MTOR: variants seen among roughly 807,000 people sequenced by gnomAD.
The protein encoded by MTOR is serine/threonine-protein kinase mTOR.
A neutral mutation model predicts 319.8 loss-of-function variants in MTOR; 70 were observed. That is an observed-to-expected ratio of 0.22 (90% CI 0.18 to 0.27). The LOEUF is 0.27. MTOR is among the 10% of genes least tolerant of loss of function. MTOR has a pLI of 1.00. For missense variants in MTOR, 1,890 were observed against 3,274.4 expected (o/e 0.58, Z 10.32); for synonymous variants, 1,183 against 1,211.4 (o/e 0.98, Z 0.49).
rs2100854047 is a variant in MTOR, at chr1:11,228,659, G to A, written c.3030+9C>T. Reference sequence around the variant, plus strand: ...GAGAAAGAGAAGGATTGGGGTTTGAGGTACTTACTTCCCGGATGGCCCCAT... The same window carrying A: ...GAGAAAGAGAAGGATTGGGGTTTGAAGTACTTACTTCCCGGATGGCCCCAT... On this transcript the variant is annotated intron_variant, in intron 19 of 57. Transcript: ENST00000361445. 6.2e-7 allele frequency: 1 copy of A among 1,613,046 alleles called. No individual in the cohort carries two copies.
chr1:11,122,934 G>A (rs1032245094), intron 47 of MTOR, among the ~76,000 whole-genome samples: 2 of 152,310 alleles, frequency 1.3e-5, no homozygotes, highest in East Asian at 3.9e-4. Flanking sequence ...AGCAACACAG[G>A]TCTCCTCAAC....
At chr1:11,190,760 A>G (rs1307060310) in intron 28 of MTOR, among the ~76,000 whole-genome samples, 2 of 152,174 alleles carry the variant, frequency 1.3e-5, no homozygotes, top group Non-Finnish European at 2.9e-5. Context: ...TATCAGGAAA[A>G]TATTAGTTGT....
chr1:11,227,458 T>C (rs1238169668), intron 19 of MTOR, among the ~76,000 whole-genome samples: 1 of 152,112 alleles, frequency 6.6e-6, no homozygotes, highest in Non-Finnish European at 1.5e-5. Flanking sequence ...GTTGACAATA[T>C]GATCAGAGGG....
chr1:11,126,053 A>AG (rs1306243446), intron 46 of MTOR, among the ~76,000 whole-genome samples: 2 of 150,360 alleles, frequency 1.3e-5, no homozygotes, highest in East Asian at 3.9e-4. Context: ...AAAAAAAAAA[A>AG]AAAAAAAAAA....
At chr1:11,113,621 AT>A (rs1156999398) in intron 53 of MTOR, among the ~76,000 whole-genome samples, 1 of 151,310 alleles carries the variant, frequency 6.6e-6, no homozygotes, top group African/African-American at 2.4e-5. Context: ...TTATTTTTTT[AT>A]TTTTTTGAGA....
chr1:11,109,593 C>T lies in MTOR; in HGVS notation c.7447+56G>A, dbSNP rs1169908226. The T allele has an allele frequency of 6.5e-7, 1 of 1,537,720 alleles. No individual in the cohort carries two copies. Among genetic ancestry groups the T allele is most frequent in the African/African-American group, 1.4e-5 (1 of 73,306 alleles). On this transcript the variant is annotated intron_variant, in intron 55 of 57. Coordinates refer to ENST00000361445, the MANE Select transcript of MTOR (RefSeq NM_004958.4). This position sits in a 1 kb window ranked among gnomAD's most constrained non-coding sequence, Gnocchi z 4.0. ...TGACCCCTCTCAGGGTATAACACAG[C>T]TGCTATTTTCTTAATGAGCTAGTCA...
rs1315227885 is a variant in MTOR at position 11,258,105 on chromosome 1, C to T, written c.271+380G>A. 4.5e-5 allele frequency among the ~76,000 whole-genome samples: 4 copies of T among 89,810 alleles called. No individual in the cohort carries two copies. In the South Asian group the frequency reaches 2.2e-3, roughly 49 times the overall value. 58.9% of individuals were successfully genotyped at this position (89,810 alleles called of 152,430 possible). ...AGCCCCGGCAAGAGTGAGACTCCAT[C>T]TCAAAAAAAAAAAAAAGACCTGCCT... is the stretch of plus-strand genomic sequence containing the variant. On this transcript the variant is annotated intron_variant, in intron 3 of 57. Coordinates refer to ENST00000361445, the MANE Select transcript of MTOR (RefSeq NM_004958.4).
At chr1:11,178,221 G>C (rs1157118500) in intron 28 of MTOR, among the ~76,000 whole-genome samples, 2 of 152,202 alleles carry the variant, frequency 1.3e-5, no homozygotes, top group Non-Finnish European at 1.5e-5. Context: ...CAGCCTCGGA[G>C]AGGAATACTG....
chr1:11,229,208 C>A (rs1474489425), intron 18 of MTOR, among the ~76,000 whole-genome samples: 1 of 152,158 alleles, frequency 6.6e-6, no homozygotes, highest in Non-Finnish European at 1.5e-5. Context: ...TAGCTTCTTA[C>A]CGTTCACAAC....
chr1:11,219,183 C>T (rs1321840277), intron 19 of MTOR, among the ~76,000 whole-genome samples: 1 of 151,274 alleles, frequency 6.6e-6, no homozygotes, highest in Non-Finnish European at 1.5e-5. Flanking sequence ...CACTGCGCTC[C>T]AGCCTGGGCA....
In MTOR at chr1:11,240,522, C is replaced by T. The variant is rs376836258; in HGVS notation, c.1567G>A (p.Asp523Asn). The T allele has an allele frequency of 3.7e-6, 6 of 1,613,918 alleles. No homozygotes were observed. Among genetic ancestry groups the T allele is most frequent in the African/African-American group, 2.7e-5 (2 of 74,898 alleles). Residue 523 changes from aspartate (D) to asparagine (N), a missense_variant, in exon 11 of 58, where the codon GAC (aspartate) becomes AAC (asparagine). Physicochemically the swap from Asp to Asn is conservative, Grantham distance 23. Transcript: ENST00000361445. ...LSPALTAVLY[D>N]LSRQIPQLKK... ...AGCTGTGGAATCTGACGGCTCAGGT[C>T]GTAGAGCACTGCAGTGAGGGCAGGG...
chr1:11,157,387 G>T lies in MTOR; in HGVS notation c.4330-96C>A, dbSNP rs558487716. 31 of 1,400,694 alleles carry T rather than the reference G, an allele frequency of 2.2e-5. No individual in the cohort carries two copies. In the African/African-American group the frequency reaches 2.9e-4, roughly 13 times the overall value. 86.8% of individuals were successfully genotyped at this position (1,400,694 alleles called of 1,614,324 possible). A position where few individuals can be genotyped will look rare whatever the true frequency, so the allele number is the denominator to read the frequency against. On this transcript the variant is annotated intron_variant, in intron 29 of 57. Coordinates refer to ENST00000361445, the MANE Select transcript of MTOR (RefSeq NM_004958.4). ...TCTCTTTCCTAATGTGCTGCTGTAC[G>T]CATGACACTTCACCTATCACAGTTA...
chr1:11,114,182 AAGGGGTCTTACTATGTTGCCC>A, intron 53 of MTOR, 115 bp downstream of exon 53: 2 of 1,015,382 alleles, frequency 2.0e-6, no homozygotes, highest in Non-Finnish European at 2.9e-6. Flanking sequence ...TTTTTGCAGA[AAGGGGTCTTACTATGTTGCCC>A]AGGCTGGTCT....
At chr1:11,193,490 G>GCAGGGA in intron 28 of MTOR, 1 of 1,214,054 alleles carries the variant, frequency 8.2e-7, no homozygotes. Flanking sequence ...TACTGGCTCT[G>GCAGGGA]CAGGGACAGG....
Position 11,199,145 on chromosome 1 carries a change from C to G in MTOR, c.4253+113G>C. The G allele has an allele frequency of 7.3e-7, 1 of 1,361,848 alleles. No homozygotes were observed. Among genetic ancestry groups the G allele is most frequent in the Non-Finnish European group, 1.0e-6 (1 of 970,488 alleles). The allele number at this position is 1,361,848 out of a possible 1,614,324, so 84.4% of individuals were successfully genotyped here. A position where few individuals can be genotyped will look rare whatever the true frequency, so the allele number is the denominator to read the frequency against. On this transcript the variant is annotated intron_variant, in intron 28 of 57. Transcript: ENST00000361445. This position sits in a 1 kb window ranked among gnomAD's most constrained non-coding sequence, Gnocchi z 4.5. ...TAAACATGCTGGCCAGACCCAGAGG[C>G]AGATTTCACAGAGCAGAAGTCTTCA... is the stretch of plus-strand genomic sequence containing the variant.
At chr1:11,150,050 C>T in intron 31 of MTOR, 76 bp downstream of exon 31, 2 of 1,319,572 alleles carry the variant, frequency 1.5e-6, no homozygotes, top group Middle Eastern at 2.6e-4. Flanking sequence ...CTAGAGCCAG[C>T]ACCTTACTCT....
chr1:11,213,592 G>A, intron 20 of MTOR, 26 bp from the exon 21 acceptor site: 1 of 1,607,834 alleles, frequency 6.2e-7, no homozygotes, highest in Non-Finnish European at 8.5e-7. Context: ...AGTCAGAGGA[G>A]CTGAGTCAGG....
intron 28 of MTOR, among the ~76,000 whole-genome samples, chr1:11,177,915 G>A (rs774600674): frequency 4.6e-5 from 7 of 152,224 alleles, no homozygotes; most frequent in Middle Eastern, 6.8e-3. Context: ...TTTTACCTGC[G>A]CATATTCTGC....
intron 46 of MTOR, among the ~76,000 whole-genome samples, chr1:11,125,193 C>T (rs1642762591): frequency 6.6e-6 from 1 of 152,154 alleles, no homozygotes; most frequent in Non-Finnish European, 1.5e-5. Context: ...TGGGTGAGGG[C>T]TGAGTAACAA....
Sources: allele counts gnomAD v4.1 joint callset (sites outside exome capture counted in the v4.1 genomes callset), GRCh38; gene constraint gnomAD v4.1.1; non-coding constraint Gnocchi (gnomAD v3.1); transcripts MANE v1.5; gene names NCBI Gene and HGNC (gene_info 2026-07-23, HGNC 2026-07-21).